PRKAR1B: variants seen among roughly 807,000 people sequenced by gnomAD.
The protein encoded by PRKAR1B is cAMP-dependent protein kinase type I-beta regulatory subunit.
In PRKAR1B, 22 loss-of-function variants were observed where a neutral mutation model predicts 46.5. That is an observed-to-expected ratio of 0.47 (90% CI 0.34 to 0.68). PRKAR1B has a LOEUF of 0.68. Ranked by LOEUF, PRKAR1B falls within the 30% of genes least tolerant of loss-of-function variation. PRKAR1B has a pLI of 0.01. For synonymous variants in PRKAR1B, 259 were observed against 217.7 expected, an observed-to-expected ratio of 1.19 and a Z score of -1.67; for missense variants, 445 against 535.6, an observed-to-expected ratio of 0.83 and a Z score of 1.67.
At chr7:575,792 C>T (rs1348851863) in intron 9 of PRKAR1B, among the ~76,000 whole-genome samples, 1 of 152,180 alleles carries the variant, frequency 6.6e-6, no homozygotes, top group Non-Finnish European at 1.5e-5. Context: ...CCAGGCTGGT[C>T]TTGAATGCCT....
At position 613,524 on chromosome 7, in the gene PRKAR1B, C is replaced by A. The variant is rs181194447; in HGVS notation, c.441-6072G>T. Among the ~76,000 whole-genome samples the A allele has an allele frequency of 2.4e-3, 367 of 152,336 alleles. 2 individuals are homozygous for A. The highest frequency in any genetic ancestry group is 0.01 in the Middle Eastern group (3 of 294). Reference sequence around the variant, plus strand: ...TCAGAACCAGCAGCTCCGTTCACAGCCAAACTCGCCTTCAAAAGGCAAGGA... The same window carrying A: ...TCAGAACCAGCAGCTCCGTTCACAGACAAACTCGCCTTCAAAAGGCAAGGA... On this transcript the variant is annotated intron_variant, in intron 4 of 10. Coordinates refer to ENST00000537384, the MANE Select transcript of PRKAR1B (RefSeq NM_001164760.2).
intron 2 of PRKAR1B, 134 bp from the exon 3 acceptor site, chr7:680,860 C>A (rs1276184154): frequency 2.0e-6 from 2 of 1,023,798 alleles, no homozygotes; most frequent in Admixed American, 3.0e-5. Context: ...GTTGGACATA[C>A]GGTTAGGCTT....
chr7:557,656 A>G (rs1778530247), intron 9 of PRKAR1B, among the ~76,000 whole-genome samples: 1 of 152,084 alleles, frequency 6.6e-6, no homozygotes. Context: ...CGCCGCAACC[A>G]CCACGTACCC....
intron 1 of PRKAR1B, among the ~76,000 whole-genome samples, chr7:723,611 A>T (rs1238018642): frequency 6.6e-6 from 1 of 152,216 alleles, no homozygotes; most frequent in Non-Finnish European, 1.5e-5. Flanking sequence ...TCTCGTCTTC[A>T]GCACTCACTG....
At chr7:725,863 T>C (rs965191337) in intron 1 of PRKAR1B, among the ~76,000 whole-genome samples, 1 of 152,166 alleles carries the variant, frequency 6.6e-6, no homozygotes, top group Non-Finnish European at 1.5e-5. Flanking sequence ...ACACCACTAA[T>C]CTGGCTCAAC....
intron 4 of PRKAR1B, among the ~76,000 whole-genome samples, chr7:675,987 G>A (rs1248920176): frequency 6.6e-6 from 1 of 151,820 alleles, no homozygotes; most frequent in Non-Finnish European, 1.5e-5. Flanking sequence ...GCAAACAGCC[G>A]CAGTAGGAAA....
chr7:665,135 C>T (rs931327621), intron 4 of PRKAR1B, among the ~76,000 whole-genome samples: 4 of 151,990 alleles, frequency 2.6e-5, no homozygotes, highest in East Asian at 3.9e-4. Flanking sequence ...GCAACTGCCC[C>T]GCAGCTCCAG....
chr7:680,576 C>T lies in PRKAR1B; in HGVS notation c.328G>A (p.Ala110Thr). The T allele has an allele frequency of 6.2e-7, 1 of 1,609,590 alleles. No homozygotes were observed. Among genetic ancestry groups the T allele is most frequent in the Middle Eastern group, 1.7e-4 (1 of 5,904 alleles). ...VSAEVYTEED[A>T]VSYVRKVIPK... is the part of the protein sequence containing the mutation. ...CTCACCTTCCTGACGTAGGACACGG[C>T]GTCCTCCTCGGTGTACACCTCGGCA... Residue 110 changes from alanine to threonine, a missense_variant, in exon 3 of 11, where the codon GCC (alanine) becomes ACC (threonine). This residue lies in a region of PRKAR1B where 94 missense variants were observed against 126.9 expected (regional missense o/e 0.74). Coordinates refer to ENST00000537384, the MANE Select transcript of PRKAR1B (RefSeq NM_001164760.2).
At chr7:668,537 G>A (rs896636384) in intron 4 of PRKAR1B, among the ~76,000 whole-genome samples, 3 of 152,204 alleles carry the variant, frequency 2.0e-5, no homozygotes, top group African/African-American at 4.8e-5. Context: ...CACACACCCT[G>A]TGCAAAAGCT....
intron 4 of PRKAR1B, among the ~76,000 whole-genome samples, chr7:672,754 G>C (rs1048271551): frequency 2.6e-5 from 4 of 151,922 alleles, no homozygotes; most frequent in Admixed American, 2.0e-4. Context: ...TATAATCCCA[G>C]CTACTTGGAA....
intron 4 of PRKAR1B, among the ~76,000 whole-genome samples, chr7:616,024 G>GAGAA (rs1782803565): frequency 6.6e-6 from 1 of 151,500 alleles, no homozygotes; most frequent in African/African-American, 2.4e-5. Flanking sequence ...GAGAGAGAGA[G>GAGAA]AGAAAGCAGC....
intron 7 of PRKAR1B, among the ~76,000 whole-genome samples, chr7:595,676 A>G (rs1781233504): frequency 6.6e-6 from 1 of 152,224 alleles, no homozygotes; most frequent in Admixed American, 6.5e-5. Context: ...CACAACACAC[A>G]CAGTACAGGG....
intron 9 of PRKAR1B, among the ~76,000 whole-genome samples, chr7:577,055 AGTC>A (rs1238448805): frequency 4.0e-4 from 56 of 140,536 alleles, no homozygotes; most frequent in African/African-American, 1.3e-3. Context: ...CAACTCCATC[AGTC>A]ACCTCACCCA....
At chr7:671,528 G>A (rs768173662) in intron 4 of PRKAR1B, among the ~76,000 whole-genome samples, 2 of 152,020 alleles carry the variant, frequency 1.3e-5, no homozygotes, top group Non-Finnish European at 2.9e-5. Context: ...ACACAATCTC[G>A]GCTCACTGTA....
At chr7:569,273 C>T (rs1779359647) in intron 9 of PRKAR1B, among the ~76,000 whole-genome samples, 1 of 152,212 alleles carries the variant, frequency 6.6e-6, no homozygotes, top group Admixed American at 6.5e-5. Context: ...CAGCCTCACA[C>T]CTGGCCCTCT....
intron 4 of PRKAR1B, among the ~76,000 whole-genome samples, chr7:626,558 T>C (rs932656654): frequency 2.0e-5 from 3 of 152,156 alleles, no homozygotes; most frequent in Non-Finnish European, 4.4e-5. Context: ...CACTAGTTAA[T>C]TCTACCAAAT....
chr7:563,777 C>G (rs143175357), intron 9 of PRKAR1B, among the ~76,000 whole-genome samples: 8 of 151,600 alleles, frequency 5.3e-5, no homozygotes, highest in Admixed American at 1.3e-4. Context: ...GCATGCATGT[C>G]TGTATGTACA....
chr7:697,185 T>G (rs1181091009), intron 2 of PRKAR1B: 1 of 152,034 alleles, frequency 6.6e-6, no homozygotes, highest in Admixed American at 6.6e-5. Context: ...ATTGTCCTGC[T>G]CCTATCCCGT....
rs575387375 is a variant in PRKAR1B, at chr7:613,021, G to A, written c.441-5569C>T. Among the ~76,000 whole-genome samples, 60 of 152,244 alleles carry A rather than the reference G, an allele frequency of 3.9e-4. 1 individual carries two copies. Among genetic ancestry groups the A allele is most frequent in the African/African-American group, 1.2e-3 (51 of 41,520 alleles). ...CAGTCCTTCTCAACAACCTAACACC[G>A]TGTGGTCATTAAAAATGGTGGTGTA... On this transcript the variant is annotated intron_variant, in intron 4 of 10. Coordinates refer to ENST00000537384, the MANE Select transcript of PRKAR1B (RefSeq NM_001164760.2).
Sources: allele counts gnomAD v4.1 joint callset (sites outside exome capture counted in the v4.1 genomes callset), GRCh38; gene constraint gnomAD v4.1.1; regional missense constraint gnomAD v4.1.1; transcripts MANE v1.5; gene names NCBI Gene and HGNC (gene_info 2026-07-23, HGNC 2026-07-21).